MCTP2: variants seen among roughly 807,000 people sequenced by gnomAD.
MCTP2 encodes multiple C2 and transmembrane domain-containing protein 2.
Under a neutral mutation model 111.6 loss-of-function variants are expected in MCTP2, and 132 were observed. That is an observed-to-expected ratio of 1.18 (90% CI 1.03 to 1.37). The LOEUF is 1.37. Among genes scored for constraint, MCTP2 ranks in the 40% most tolerant of loss-of-function variants. The pLI is 0.00. For synonymous variants in MCTP2, 395 were observed against 387.7 expected (o/e 1.02, Z -0.22); for missense variants, 1,183 against 1,067.9 (o/e 1.11, Z -1.50).
At chr15:94,363,035 C>T (rs1003071007) in intron 10 of MCTP2, among the ~76,000 whole-genome samples, 3 of 152,162 alleles carry the variant, frequency 2.0e-5, no homozygotes, top group Non-Finnish European at 4.4e-5. Flanking sequence ...CTAGTAAATA[C>T]ATTTATTTCA....
intron 12 of MCTP2, among the ~76,000 whole-genome samples, chr15:94,380,140 C>G (rs1042489833): frequency 7.2e-5 from 11 of 151,968 alleles, no homozygotes; most frequent in African/African-American, 2.4e-4. Context: ...GTCCCTAGGC[C>G]GTAGCACTGT....
intron 4 of MCTP2, among the ~76,000 whole-genome samples, chr15:94,331,665 G>A (rs976973913): frequency 2.6e-5 from 4 of 152,130 alleles, no homozygotes; most frequent in East Asian, 1.9e-4. Context: ...CACTGATTTC[G>A]CTGTATATTG....
chr15:94,298,861 CCTCT>C (rs1193789105), intron 2 of MCTP2, 131 bp downstream of exon 2: 7 of 401,784 alleles, frequency 1.7e-5, no homozygotes, highest in African/African-American at 4.0e-5. Flanking sequence ...CCTCCCCCTC[CCTCT>C]CTCTCTCCCC....
At chr15:94,295,405 A>G (rs959974418) in intron 1 of MCTP2, among the ~76,000 whole-genome samples, 1 of 152,150 alleles carries the variant, frequency 6.6e-6, no homozygotes, top group Admixed American at 6.5e-5. Context: ...GTGTTGAAAC[A>G]CATATGGCTC....
At chr15:94,257,390 A>T (rs2072846897) in intron 1 of MCTP2, among the ~76,000 whole-genome samples, 1 of 151,980 alleles carries the variant, frequency 6.6e-6, no homozygotes. Context: ...CATTGAAAGG[A>T]GGAATTTTGA....
chr15:94,273,582 C>A, intron 1 of MCTP2: 1 of 202,836 alleles, frequency 4.9e-6, no homozygotes, highest in South Asian at 9.9e-5. Flanking sequence ...GCAGGAAGGT[C>A]ATGTCGTCCC....
chr15:94,447,418 A>G (rs748126739), intron 19 of MCTP2, among the ~76,000 whole-genome samples: 6 of 152,168 alleles, frequency 3.9e-5, no homozygotes, highest in Non-Finnish European at 5.9e-5. Context: ...TTTTTGAGAC[A>G]GAGTTTCACT....
At chr15:94,293,595 C>G (rs1409934091) in intron 1 of MCTP2, among the ~76,000 whole-genome samples, 1 of 152,202 alleles carries the variant, frequency 6.6e-6, no homozygotes, top group Non-Finnish European at 1.5e-5. Context: ...CCTCGGTGCC[C>G]AGCAGTCTGT....
intron 17 of MCTP2, among the ~76,000 whole-genome samples, chr15:94,412,187 C>A (rs2082181449): frequency 6.6e-6 from 1 of 152,104 alleles, no homozygotes; most frequent in South Asian, 2.1e-4. Flanking sequence ...ATTCTCAGTC[C>A]TACACTACTT....
chr15:94,284,983 C>T (rs893426507), intron 1 of MCTP2, among the ~76,000 whole-genome samples: 5 of 152,160 alleles, frequency 3.3e-5, no homozygotes, highest in Non-Finnish European at 7.4e-5. Context: ...ATTAATATTT[C>T]AGGGTTCAGG....
At chr15:94,456,300 CCTCA>C (rs1461077492) in intron 19 of MCTP2, among the ~76,000 whole-genome samples, 1 of 152,184 alleles carries the variant, frequency 6.6e-6, no homozygotes, top group Non-Finnish European at 1.5e-5. Context: ...ACAACCAGAA[CCTCA>C]CTATTTGGGT....
chr15:94,397,368 G>A (rs570382944), intron 14 of MCTP2, among the ~76,000 whole-genome samples: 1 of 152,324 alleles, frequency 6.6e-6, no homozygotes, highest in South Asian at 2.1e-4. Flanking sequence ...AAGAAATCAT[G>A]GAAATTTTAA....
At chr15:94,473,113 A>G (rs2074065541) in intron 21 of MCTP2, among the ~76,000 whole-genome samples, 1 of 151,870 alleles carries the variant, frequency 6.6e-6, no homozygotes, top group African/African-American at 2.4e-5. Context: ...TCCATATTTT[A>G]TATCCTCAAG....
chr15:94,402,941 A>G, intron 17 of MCTP2: 1 of 1,045,486 alleles, frequency 9.6e-7, no homozygotes, highest in Non-Finnish European at 1.2e-6. Flanking sequence ...CTGCCAATAT[A>G]TGCTGAATGT....
intron 1 of MCTP2, among the ~76,000 whole-genome samples, chr15:94,243,335 ATGCGTATG>A: frequency 6.8e-6 from 1 of 148,008 alleles, no homozygotes; most frequent in African/African-American, 2.5e-5. Context: ...GTATGCGTAT[ATGCGTATG>A]TACATACATA....
At position 94,271,080 on chromosome 15, in the gene MCTP2, A is replaced by T. The variant is rs1354214814; in HGVS notation, c.-65-27121A>T. On this transcript the variant is annotated intron_variant, in intron 1 of 22. Coordinates refer to ENST00000357742, the MANE Select transcript of MCTP2 (RefSeq NM_001385001.1). ...ACCAGTCAATCACAACAGTGTTACCAGTCAGTTACAACAGTACTTCATATG... is the reference window on the plus strand; with the variant it reads ...ACCAGTCAATCACAACAGTGTTACCTGTCAGTTACAACAGTACTTCATATG... Among the ~76,000 whole-genome samples, 6 of 152,236 alleles carry T rather than the reference A, an allele frequency of 3.9e-5. No individual in the cohort carries two copies. In the East Asian group the frequency reaches 1.2e-3, roughly 29 times the overall value.
chr15:94,477,455 C>T (rs2074457658), intron 22 of MCTP2, among the ~76,000 whole-genome samples: 1 of 152,036 alleles, frequency 6.6e-6, no homozygotes, highest in African/African-American at 2.4e-5. Context: ...TAGAGTAGCT[C>T]GATCCTGGCC....
At chr15:94,337,660 G>T (rs1326573513) in intron 4 of MCTP2, among the ~76,000 whole-genome samples, 1 of 133,616 alleles carries the variant, frequency 7.5e-6, no homozygotes, top group Admixed American at 8.0e-5. Flanking sequence ...GAACTGGCCC[G>T]AACACGGTGT....
chr15:94,311,213 T>TG (rs367972628), intron 2 of MCTP2, among the ~76,000 whole-genome samples: 93 of 151,304 alleles, frequency 6.1e-4, no homozygotes, highest in African/African-American at 1.7e-3. Flanking sequence ...TTATTAGAGA[T>TG]GGGGGGGTTT....
Sources: gnomAD v4.1 joint callset for allele counts (sites outside exome capture counted in the v4.1 genomes callset) on GRCh38, gnomAD v4.1.1 for gene constraint, MANE v1.5 for transcripts, NCBI Gene and HGNC (gene_info 2026-07-23, HGNC 2026-07-21) for gene names.